The following NAALADL2 variants were observed in gnomAD, a reference collection of about 807,000 sequenced individuals.
NAALADL2 encodes inactive N-acetylated-alpha-linked acidic dipeptidase-like protein 2.
A neutral mutation model predicts 87.2 loss-of-function variants in NAALADL2; 76 were observed. The observed-to-expected ratio is 0.87, with a 90% CI of 0.72 to 1.05. The LOEUF (loss-of-function observed/expected upper bound fraction) is 1.05. NAALADL2 is among the 50% of genes least tolerant of loss of function. The probability of loss-of-function intolerance (pLI) is 0.00; values close to 1 mark genes in which losing one functional copy is unlikely to be tolerated. For missense variants in NAALADL2, 1,089 were observed against 945.8 expected, an observed-to-expected ratio of 1.15 and a Z score of -1.99; for synonymous variants, 354 against 331.0, an observed-to-expected ratio of 1.07 and a Z score of -0.75.
rs1738465174 is a variant in NAALADL2 at position 175,193,217 on chromosome 3, G to T, written c.546-40714G>T. On this transcript the variant is annotated intron_variant, in intron 2 of 13. Coordinates refer to ENST00000454872, the MANE Select transcript of NAALADL2 (RefSeq NM_207015.3). ...CAGATCTACCACTTACTAGTTGTGT[G>T]TTTTTTTTTCAAATTATTTACACTC... Among the ~76,000 whole-genome samples, 4 of 148,644 alleles carry T rather than the reference G, an allele frequency of 2.7e-5. No homozygotes were observed. In the South Asian group the frequency reaches 6.4e-4, roughly 24 times the overall value.
intron 2 of NAALADL2, among the ~76,000 whole-genome samples, chr3:175,197,621 T>G (rs551391053): frequency 0.01 from 626 of 62,258 alleles, no homozygotes; most frequent in Non-Finnish European, 0.022. Context: ...CAACCTTTAA[T>G]TAGTAATAAA....
intron 4 of NAALADL2, among the ~76,000 whole-genome samples, chr3:175,314,650 GTATA>G (rs1758820559): frequency 1.3e-5 from 1 of 74,492 alleles, no homozygotes; most frequent in Non-Finnish European, 2.6e-5. Flanking sequence ...GCGTTTTCTA[GTATA>G]TATAGTTCTA....
chr3:175,103,254 G>A (rs1048953001), intron 2 of NAALADL2, among the ~76,000 whole-genome samples: 4 of 151,896 alleles, frequency 2.6e-5, no homozygotes, highest in Admixed American at 2.6e-4. Flanking sequence ...CCTAAGTCTC[G>A]TTTGTTTTCT....
chr3:175,263,986 A>T, intron 4 of NAALADL2, among the ~76,000 whole-genome samples: 1 of 151,804 alleles, frequency 6.6e-6, no homozygotes, highest in Non-Finnish European at 1.5e-5. Context: ...TTCACATTTC[A>T]GCTTTTCCCT....
At chr3:174,811,592 A>G (rs1357023770) in intron 3 of NAALADL2, among the ~76,000 whole-genome samples, 2 of 152,096 alleles carry the variant, frequency 1.3e-5, no homozygotes, top group Non-Finnish European at 2.9e-5. Context: ...GAGTAACTAA[A>G]TTGTTTTTTA....
At chr3:175,010,946 C>T (rs1749694539) in intron 1 of NAALADL2, among the ~76,000 whole-genome samples, 1 of 152,020 alleles carries the variant, frequency 6.6e-6, no homozygotes, top group Non-Finnish European at 1.5e-5. Flanking sequence ...AATTACATTG[C>T]ACAATGTTTG....
intron 9 of NAALADL2, among the ~76,000 whole-genome samples, chr3:175,565,602 C>G (rs1412833037): frequency 6.8e-6 from 1 of 146,718 alleles, no homozygotes; most frequent in Non-Finnish European, 1.5e-5. Context: ...CCCAAAACCT[C>G]TGTAAGAGAC....
At chr3:175,280,289 G>GT (rs896572002) in intron 4 of NAALADL2, among the ~76,000 whole-genome samples, 3 of 151,918 alleles carry the variant, frequency 2.0e-5, no homozygotes, top group African/African-American at 4.8e-5. Flanking sequence ...ATGTTTCCTA[G>GT]TTTTTTAAAA....
intron 11 of NAALADL2, among the ~76,000 whole-genome samples, chr3:175,679,045 G>C (rs1345279665): frequency 6.6e-6 from 1 of 151,968 alleles, no homozygotes; most frequent in Non-Finnish European, 1.5e-5. Context: ...AGCTGGTAGG[G>C]GTGGGGGTCA....
intron 4 of NAALADL2, among the ~76,000 whole-genome samples, chr3:175,304,017 T>G (rs1757398846): frequency 6.6e-6 from 1 of 152,070 alleles, no homozygotes; most frequent in South Asian, 2.1e-4. Context: ...GGATTTTTTT[T>G]TTTTTACATA....
intron 3 of NAALADL2, among the ~76,000 whole-genome samples, chr3:174,832,358 C>T (rs964275476): frequency 1.7e-4 from 26 of 152,184 alleles, no homozygotes; most frequent in African/African-American, 5.3e-4. Context: ...GCCTTCATTT[C>T]GTTATGTACC....
chr3:175,543,946 A>C (rs1712832847), intron 9 of NAALADL2, among the ~76,000 whole-genome samples: 1 of 152,236 alleles, frequency 6.6e-6, no homozygotes, highest in Non-Finnish European at 1.5e-5. Flanking sequence ...ATACAAAGGC[A>C]GGGAGTTCTC....
At chr3:175,758,833 A>C (rs532436923) in intron 13 of NAALADL2, among the ~76,000 whole-genome samples, 1 of 152,140 alleles carries the variant, frequency 6.6e-6, no homozygotes, top group Non-Finnish European at 1.5e-5. Flanking sequence ...TGTTATTCAC[A>C]TAAGAATCTC....
At chr3:175,341,058 T>A (rs1367743737) in intron 5 of NAALADL2, among the ~76,000 whole-genome samples, 1 of 151,964 alleles carries the variant, frequency 6.6e-6, no homozygotes, top group Non-Finnish European at 1.5e-5. Context: ...TTAAATACTG[T>A]TTTTTGTAGC....
intron 9 of NAALADL2, among the ~76,000 whole-genome samples, chr3:175,565,829 C>G (rs1436428114): frequency 6.4e-4 from 73 of 114,844 alleles, no homozygotes; most frequent in Admixed American, 4.5e-3. Context: ...AGCCCCCCCC[C>G]TTTTTTTTTT....
At chr3:174,781,965 A>G (rs1158633152) in intron 3 of NAALADL2, among the ~76,000 whole-genome samples, 2 of 152,162 alleles carry the variant, frequency 1.3e-5, no homozygotes, top group Admixed American at 1.3e-4. Context: ...TACTTAATAC[A>G]AGATTTTTAT....
At chr3:174,564,917 G>C (rs1332864896) in intron 2 of NAALADL2, among the ~76,000 whole-genome samples, 1 of 151,372 alleles carries the variant, frequency 6.6e-6, no homozygotes, top group African/African-American at 2.4e-5. Flanking sequence ...GTGAATTTTT[G>C]GTATTAAAAA....
intron 2 of NAALADL2, among the ~76,000 whole-genome samples, chr3:175,106,296 C>T (rs887238194): frequency 3.3e-5 from 5 of 151,986 alleles, no homozygotes; most frequent in Admixed American, 1.3e-4. Flanking sequence ...TATTAATTAG[C>T]GGGATCTATT....
At chr3:174,505,644 G>A (rs565771089) in intron 1 of NAALADL2, among the ~76,000 whole-genome samples, 100 of 152,078 alleles carry the variant, frequency 6.6e-4, no homozygotes, top group Non-Finnish European at 9.6e-4. Flanking sequence ...CTGTTTAGTA[G>A]GTCCTTAAGT....
Sources: gnomAD v4.1 joint callset for allele counts (sites outside exome capture counted in the v4.1 genomes callset) on GRCh38, gnomAD v4.1.1 for gene constraint, MANE v1.5 for transcripts, NCBI Gene and HGNC (gene_info 2026-07-23, HGNC 2026-07-21) for gene names.